The following CUX1 variants were observed in gnomAD, a reference collection of about 807,000 sequenced individuals.
CUX1 encodes cut like homeobox 1.
CUX1 carries 31 observed loss-of-function variants against 158.8 expected under a neutral mutation model. The observed-to-expected ratio is 0.20, with a 90% confidence interval of 0.15 to 0.26. The LOEUF is 0.26. CUX1 is among the 10% of genes least tolerant of loss of function. The probability of loss-of-function intolerance (pLI) is 1.00; values close to 1 mark genes in which losing one functional copy is unlikely to be tolerated. For missense variants in CUX1, 1,589 were observed against 2,014.6 expected (o/e 0.79, Z 4.04); for synonymous variants, 879 against 862.1 (o/e 1.02, Z -0.34).
At chr7:102,091,256 G>C (rs1828554367) in intron 4 of CUX1, among the ~76,000 whole-genome samples, 3 of 152,174 alleles carry the variant, frequency 2.0e-5, no homozygotes, top group African/African-American at 7.2e-5. Flanking sequence ...GCATGTTACT[G>C]ATATGATAGC....
At chr7:102,005,942 C>T (rs927532610) in intron 2 of CUX1, among the ~76,000 whole-genome samples, 3 of 152,184 alleles carry the variant, frequency 2.0e-5, no homozygotes, top group African/African-American at 7.2e-5. Flanking sequence ...AGAGAAAGGT[C>T]ACGAGGAGCG....
chr7:101,990,922 G>A (rs1313056358), intron 2 of CUX1, among the ~76,000 whole-genome samples: 5 of 152,154 alleles, frequency 3.3e-5, no homozygotes, highest in Non-Finnish European at 7.3e-5. Flanking sequence ...AGTGCCATAG[G>A]ATAAAAGCCA....
intron 14 of CUX1, among the ~76,000 whole-genome samples, chr7:102,265,807 G>A (rs571133170): frequency 6.6e-6 from 1 of 152,224 alleles, no homozygotes; most frequent in South Asian, 2.1e-4. Flanking sequence ...CCAATGAGGA[G>A]GCTGATGCCA....
chr7:102,280,858 A>T, exon 20 of CUX1: 1 of 1,612,090 alleles, frequency 6.2e-7, no homozygotes, highest in Non-Finnish European at 8.5e-7. Context: ...CACCCTCAGC[A>T]TGGTGAGTCC....
At chr7:101,899,197 A>G (rs1271861270) in intron 1 of CUX1, among the ~76,000 whole-genome samples, 1 of 152,146 alleles carries the variant, frequency 6.6e-6, no homozygotes, top group Non-Finnish European at 1.5e-5. Flanking sequence ...CACATTACTG[A>G]GCGGCCTTTT....
intron 4 of CUX1, among the ~76,000 whole-genome samples, chr7:102,091,503 T>C (rs1292714739): frequency 6.6e-6 from 1 of 151,540 alleles, no homozygotes; most frequent in Non-Finnish European, 1.5e-5. Context: ...AGCTAATTTT[T>C]TATCTTTTAT....
intron 1 of CUX1, among the ~76,000 whole-genome samples, chr7:101,876,376 C>G (rs1326288171): frequency 6.7e-6 from 1 of 150,046 alleles, no homozygotes; most frequent in African/African-American, 2.5e-5. Context: ...AATTTTGTGT[C>G]CTAGCCTAGA....
chr7:102,027,953 T>A lies in CUX1; in HGVS notation c.142-145T>A. 2.9e-6 allele frequency: 2 copies of A among 689,580 alleles called. 1 individual carries two copies. The highest frequency in any genetic ancestry group is 3.8e-5 in the South Asian group (2 of 52,530). The allele number at this position is 689,580 out of a possible 1,614,324, so 42.7% of individuals were successfully genotyped here. A position where few individuals can be genotyped will look rare whatever the true frequency, so the allele number is the denominator to read the frequency against. The stretch of plus-strand genomic sequence containing the variant: ...GTTGGCGTTATTGATGTTTTAGGAG[T>A]GCAGGAATGGGTGAGGTCCCAGGCT... On this transcript the variant is annotated intron_variant, in intron 2 of 23. Transcript: ENST00000292535.
At chr7:102,124,808 T>G in intron 8 of CUX1, among the ~76,000 whole-genome samples, 1 of 147,584 alleles carries the variant, frequency 6.8e-6, no homozygotes. Context: ...TGAGACAGAG[T>G]CTCCCCTCTG....
intron 2 of CUX1, among the ~76,000 whole-genome samples, chr7:101,928,763 C>T (rs1371872320): frequency 6.6e-6 from 1 of 150,798 alleles, no homozygotes; most frequent in Non-Finnish European, 1.5e-5. Context: ...CTCCGCCTCC[C>T]GGGTTCATGC....
intron 1 of CUX1, among the ~76,000 whole-genome samples, chr7:101,914,293 G>T (rs528367463): frequency 1.3e-5 from 2 of 151,384 alleles, no homozygotes; most frequent in Non-Finnish European, 2.9e-5. Context: ...TTTTATTGTC[G>T]TTGTTGTTTT....
At chr7:102,003,335 C>CACACACAT (rs3222405) in intron 2 of CUX1, among the ~76,000 whole-genome samples, 1 of 145,152 alleles carries the variant, frequency 6.9e-6, no homozygotes, top group Non-Finnish European at 1.5e-5. Context: ...CACACACACA[C>CACACACAT]GCCCGCCCCC....
intron 8 of CUX1, among the ~76,000 whole-genome samples, chr7:102,140,951 A>AT (rs1256888158): frequency 2.6e-5 from 4 of 151,266 alleles, no homozygotes; most frequent in African/African-American, 9.7e-5. Flanking sequence ...TAACCTTTCT[A>AT]TTTTTTTCGC....
At chr7:101,909,607 A>C (rs551158252) in intron 1 of CUX1, among the ~76,000 whole-genome samples, 189 of 152,382 alleles carry the variant, frequency 1.2e-3, no homozygotes, top group African/African-American at 4.4e-3. Context: ...AAACCATTTA[A>C]GATTTCTATA....
chr7:102,007,983 G>T (rs547075660), intron 2 of CUX1, among the ~76,000 whole-genome samples: 124 of 152,238 alleles, frequency 8.1e-4, no homozygotes, highest in African/African-American at 2.8e-3. Flanking sequence ...GACCTCAGGT[G>T]ATCTACCTGC....
chr7:102,251,974 C>T lies in CUX1; in HGVS notation c.*2932C>T, dbSNP rs1314363716. The stretch of plus-strand genomic sequence containing the variant: ...AATTTAGTCATATGTGTTGTTTTCT[C>T]TTTTCTGTTTTTACTTCTTAGATTT... On this transcript the variant is annotated 3_prime_UTR_variant, in exon 24 of 24. Transcript: ENST00000292535. The T allele has an allele frequency of 4.1e-6, 4 of 985,292 alleles. No individual in the cohort carries two copies. The highest frequency in any genetic ancestry group is 1.7e-5 in the African/African-American group (1 of 57,316). 61.0% of individuals were successfully genotyped at this position (985,292 alleles called of 1,614,324 possible).
At chr7:102,277,693 A>G (rs951198827) in intron 17 of CUX1, among the ~76,000 whole-genome samples, 14 of 152,228 alleles carry the variant, frequency 9.2e-5, no homozygotes, top group Non-Finnish European at 1.3e-4. Flanking sequence ...AAATGTAATC[A>G]TGGTGTTTGC....
rs1801382406 is a variant in CUX1, at chr7:102,250,458, T to A, written c.*1416T>A. On this transcript the variant is annotated 3_prime_UTR_variant, in exon 24 of 24. Coordinates refer to ENST00000292535, the MANE Select transcript of CUX1 (RefSeq NM_181552.4). ...GCCTGGGCAGGGCTTACACGCGCAC[T>A]CTCTCTCTTCTTTCCCTTTTTCTTC... 8 of 985,380 alleles carry A rather than the reference T, an allele frequency of 8.1e-6. No individual in the cohort carries two copies. The highest frequency in any genetic ancestry group is 9.6e-6 in the Non-Finnish European group (8 of 829,922). 61.0% of individuals were successfully genotyped at this position (985,380 alleles called of 1,614,324 possible). A position where few individuals can be genotyped will look rare whatever the true frequency, so the allele number is the denominator to read the frequency against.
At chr7:102,278,467 C>T (rs1791772400) in intron 18 of CUX1, among the ~76,000 whole-genome samples, 1 of 151,960 alleles carries the variant, frequency 6.6e-6, no homozygotes, top group South Asian at 2.1e-4. Flanking sequence ...TGGTGCACAC[C>T]TGTAGTCCCA....
Sources: allele counts gnomAD v4.1 joint callset (sites outside exome capture counted in the v4.1 genomes callset), GRCh38; gene constraint gnomAD v4.1.1; transcripts MANE v1.5; gene names NCBI Gene and HGNC (gene_info 2026-07-23, HGNC 2026-07-21).